FBXW11: variants seen among roughly 807,000 people sequenced by gnomAD.
FBXW11 encodes F-box and WD repeat domain containing 11.
Under a neutral mutation model 77.6 loss-of-function variants are expected in FBXW11, and 19 were observed. The ratio of observed to expected loss-of-function variants is 0.24; its 90% CI spans 0.17 to 0.36. The LOEUF (loss-of-function observed/expected upper bound fraction) is 0.36. Among genes scored for constraint, FBXW11 ranks in the 10% least tolerant of loss-of-function variants. The pLI, the probability that FBXW11 is intolerant of heterozygous loss-of-function variation, is 1.00. For missense variants in FBXW11, 334 were observed against 704.2 expected (o/e 0.47, Z 5.95); for synonymous variants, 235 against 249.4 (o/e 0.94, Z 0.54).
intron 1 of FBXW11, among the ~76,000 whole-genome samples, chr5:171,971,428 T>C (rs541266742): frequency 6.6e-6 from 1 of 152,186 alleles, no homozygotes; most frequent in African/African-American, 2.4e-5. Flanking sequence ...CCTTTTTCCA[T>C]GCGTTGTATG....
At chr5:172,001,140 T>A (rs950536500) in intron 1 of FBXW11, among the ~76,000 whole-genome samples, 1 of 152,202 alleles carries the variant, frequency 6.6e-6, no homozygotes, top group Admixed American at 6.5e-5. Context: ...ACCTTTGTCT[T>A]AAGATATTCA....
intron 1 of FBXW11, among the ~76,000 whole-genome samples, chr5:172,005,215 G>A (rs1031763314): frequency 3.9e-5 from 6 of 152,140 alleles, no homozygotes; most frequent in African/African-American, 1.4e-4. Context: ...AAGAAAATCT[G>A]GCTAGGAAAA....
chr5:171,891,462 T>C lies in FBXW11; in HGVS notation c.852+5A>G, dbSNP rs367867781. The C allele has an allele frequency of 1.3e-6, 2 of 1,577,618 alleles. No homozygotes were observed. The highest frequency in any genetic ancestry group is 1.4e-5 in the African/African-American group (1 of 71,904). Reference sequence around the variant, plus strand: ...AAATAATACATAAAAAATTCAGTCATTCACCTTAATAGAATTATCTCGTAG... The same window carrying C: ...AAATAATACATAAAAAATTCAGTCACTCACCTTAATAGAATTATCTCGTAG... On this transcript the variant is annotated splice_donor_5th_base_variant and intron_variant, in intron 7 of 13. Transcript: ENST00000517395.
At chr5:171,990,204 T>C (rs1380478039) in intron 1 of FBXW11, among the ~76,000 whole-genome samples, 1 of 152,158 alleles carries the variant, frequency 6.6e-6, no homozygotes, top group Non-Finnish European at 1.5e-5. Context: ...TGACAAAATG[T>C]TAACAATTGT....
At chr5:171,992,508 AAGAAAG>A (rs1036470066) in intron 1 of FBXW11, among the ~76,000 whole-genome samples, 1 of 151,620 alleles carries the variant, frequency 6.6e-6, no homozygotes, top group African/African-American at 2.4e-5. Context: ...AAGAGAGAGA[AAGAAAG>A]AGAAAGAGAA....
intron 1 of FBXW11, among the ~76,000 whole-genome samples, chr5:172,005,008 T>C (rs1283250901): frequency 2.0e-5 from 3 of 152,188 alleles, no homozygotes; most frequent in Non-Finnish European, 4.4e-5. Flanking sequence ...GCTGCCTCCA[T>C]ATTTATGCTA....
intron 1 of FBXW11, among the ~76,000 whole-genome samples, chr5:171,966,943 C>A (rs1217104798): frequency 6.6e-6 from 1 of 152,142 alleles, no homozygotes; most frequent in Non-Finnish European, 1.5e-5. Context: ...AAACTAAGGA[C>A]CACAGACATC....
At chr5:171,935,992 T>C (rs1762455104) in intron 2 of FBXW11, among the ~76,000 whole-genome samples, 1 of 150,956 alleles carries the variant, frequency 6.6e-6, no homozygotes, top group Non-Finnish European at 1.5e-5. Context: ...GTGCCTGTAG[T>C]CCCAGCTACT....
chr5:171,887,757 A>G (rs1013847095), intron 7 of FBXW11, among the ~76,000 whole-genome samples: 4 of 151,850 alleles, frequency 2.6e-5, no homozygotes, highest in African/African-American at 9.7e-5. Context: ...TCCTGGGTTC[A>G]AGCAATTCTC....
chr5:171,967,873 TATATATATATAC>T (rs1480974176), intron 1 of FBXW11, among the ~76,000 whole-genome samples: 1,374 of 50,420 alleles, frequency 0.027, 19 homozygotes, highest in Middle Eastern at 0.11. Context: ...TATATATATA[TATATATATATAC>T]ACACACACAC....
chr5:171,983,746 C>G (rs1765282727), intron 1 of FBXW11, among the ~76,000 whole-genome samples: 1 of 152,130 alleles, frequency 6.6e-6, no homozygotes, highest in African/African-American at 2.4e-5. Context: ...CCAAAACAAG[C>G]AGTATCTATT....
chr5:171,973,231 G>A (rs1333933861), intron 1 of FBXW11, among the ~76,000 whole-genome samples: 1 of 151,992 alleles, frequency 6.6e-6, no homozygotes, highest in African/African-American at 2.4e-5. Flanking sequence ...GACCAAATGA[G>A]AACATAATCT....
intron 2 of FBXW11, among the ~76,000 whole-genome samples, chr5:171,938,931 T>G (rs941102797): frequency 1.3e-5 from 2 of 152,184 alleles, no homozygotes; most frequent in African/African-American, 4.8e-5. Context: ...TACTACCTTT[T>G]GTGTAAAAAA....
At chr5:171,952,945 A>G (rs570559989) in intron 2 of FBXW11, among the ~76,000 whole-genome samples, 8 of 151,684 alleles carry the variant, frequency 5.3e-5, no homozygotes, top group Non-Finnish European at 4.4e-5. Flanking sequence ...TCTTCTTCCA[A>G]TGTGGTCCAG....
intron 6 of FBXW11, among the ~76,000 whole-genome samples, chr5:171,893,942 G>C (rs1382273154): frequency 6.6e-6 from 1 of 152,062 alleles, no homozygotes; most frequent in Admixed American, 6.6e-5. Context: ...ACTACCGCAT[G>C]AGAGTCTGAG....
chr5:171,967,525 C>A lies in FBXW11; in HGVS notation c.46-9827G>T, dbSNP rs982107585. On this transcript the variant is annotated intron_variant, in intron 1 of 13. Coordinates refer to ENST00000517395, the MANE Select transcript of FBXW11 (RefSeq NM_001378974.1). Reference sequence around the variant, plus strand: ...ACAAACCAGGACTTACATTATGATCCCATGTTCATTTAATAAATATAATAT... The same window carrying A: ...ACAAACCAGGACTTACATTATGATCACATGTTCATTTAATAAATATAATAT... 8.4e-4 allele frequency among the ~76,000 whole-genome samples: 128 copies of A among 152,218 alleles called. 1 individual carries two copies. Among genetic ancestry groups the A allele is most frequent in the African/African-American group, 3.0e-3 (125 of 41,530 alleles).
At chr5:171,872,362 G>A (rs2113761112) in intron 10 of FBXW11, among the ~76,000 whole-genome samples, 1 of 152,318 alleles carries the variant, frequency 6.6e-6, no homozygotes, top group East Asian at 1.9e-4. Context: ...ATGGGATAAT[G>A]AAGTAGATAT....
chr5:171,963,575 A>G (rs1764023211), intron 1 of FBXW11, among the ~76,000 whole-genome samples: 1 of 152,184 alleles, frequency 6.6e-6, no homozygotes, highest in Non-Finnish European at 1.5e-5. Flanking sequence ...ATCCAATTTT[A>G]CATCAATGTG....
chr5:171,935,416 GA>G (rs1032863787), intron 2 of FBXW11, among the ~76,000 whole-genome samples: 10 of 148,064 alleles, frequency 6.8e-5, no homozygotes, highest in South Asian at 2.1e-4. Flanking sequence ...TATTTAAAAA[GA>G]AAAAAAAACG....
Sources: allele counts gnomAD v4.1 joint callset (sites outside exome capture counted in the v4.1 genomes callset), GRCh38; gene constraint gnomAD v4.1.1; transcripts MANE v1.5; gene names NCBI Gene and HGNC (gene_info 2026-07-23, HGNC 2026-07-21).